CNTNAP2: variants seen among roughly 807,000 people sequenced by gnomAD.
The protein encoded by CNTNAP2 is contactin-associated protein-like 2.
CNTNAP2 carries 98 observed loss-of-function variants against 155.2 expected under a neutral mutation model. The observed-to-expected ratio is 0.63, with a 90% CI of 0.54 to 0.75. The LOEUF (loss-of-function observed/expected upper bound fraction) is 0.75, where lower values mean the gene tolerates loss of function less well. Among genes scored for constraint, CNTNAP2 ranks in the 30% least tolerant of loss-of-function variants. CNTNAP2 has a pLI of 0.00. For missense variants in CNTNAP2, 1,727 were observed against 1,688.1 expected (o/e 1.02, Z -0.40); for synonymous variants, 651 against 631.2 (o/e 1.03, Z -0.47).
At chr7:147,430,182 C>A (rs1019829779) in intron 10 of CNTNAP2, among the ~76,000 whole-genome samples, 1 of 152,176 alleles carries the variant, frequency 6.6e-6, no homozygotes, top group Non-Finnish European at 1.5e-5. Flanking sequence ...TCCCTCTCAA[C>A]TCACCATGAG....
chr7:146,491,645 C>T (rs1797141399), intron 1 of CNTNAP2, among the ~76,000 whole-genome samples: 1 of 152,108 alleles, frequency 6.6e-6, no homozygotes, highest in South Asian at 2.1e-4. Flanking sequence ...GCCAGGCACC[C>T]ATCAGAGCAT....
chr7:147,924,185 G>C (rs1449981847), intron 14 of CNTNAP2, among the ~76,000 whole-genome samples: 1 of 120,234 alleles, frequency 8.3e-6, no homozygotes, highest in African/African-American at 3.4e-5. Flanking sequence ...TGTTGCCCAG[G>C]CTGGAGTGCA....
rs149168384 is a variant in CNTNAP2, at chr7:147,821,957, T to C, written c.2099-81608T>C. Among the ~76,000 whole-genome samples, 361 of 151,552 alleles carry C rather than the reference T, an allele frequency of 2.4e-3. 1 individual carries two copies. Among genetic ancestry groups the C allele is most frequent in the African/African-American group, 8.4e-3 (348 of 41,274 alleles). On this transcript the variant is annotated intron_variant, in intron 13 of 23. Transcript: ENST00000361727. Reference sequence around the variant, plus strand: ...GGAAAAATAACAGATTAAGAAGGGGTTGGCAGTGAGAAAGGAAGAAAATCA... The same window carrying C: ...GGAAAAATAACAGATTAAGAAGGGGCTGGCAGTGAGAAAGGAAGAAAATCA...
At chr7:146,391,633 A>C (rs1361179027) in intron 1 of CNTNAP2, among the ~76,000 whole-genome samples, 1 of 152,208 alleles carries the variant, frequency 6.6e-6, no homozygotes, top group Non-Finnish European at 1.5e-5. Context: ...GGTTCAAATG[A>C]CTATCAATTC....
At chr7:148,403,688 C>T (rs1799637523) in intron 22 of CNTNAP2, among the ~76,000 whole-genome samples, 2 of 152,106 alleles carry the variant, frequency 1.3e-5, no homozygotes, top group East Asian at 1.9e-4. Context: ...TTTCTCTGTG[C>T]GCATTTCCAA....
At chr7:147,043,788 G>A (rs1563055480) in intron 3 of CNTNAP2, 119 bp from the exon 4 acceptor site, 10 of 1,204,462 alleles carry the variant, frequency 8.3e-6, no homozygotes, top group South Asian at 8.0e-5. Flanking sequence ...AATTATTTAC[G>A]GTGTAAGAAA....
intron 14 of CNTNAP2, among the ~76,000 whole-genome samples, chr7:147,936,266 C>G (rs1357699041): frequency 2.0e-5 from 3 of 151,228 alleles, no homozygotes; most frequent in African/African-American, 7.3e-5. Flanking sequence ...ATCTCTTTGC[C>G]AGGGTTGTGT....
intron 8 of CNTNAP2, among the ~76,000 whole-genome samples, chr7:147,197,278 A>G (rs989758045): frequency 1.3e-5 from 2 of 152,106 alleles, no homozygotes; most frequent in African/African-American, 2.4e-5. Context: ...TCTAGGGGGT[A>G]TTTAAACCCC....
intron 1 of CNTNAP2, among the ~76,000 whole-genome samples, chr7:146,445,961 T>A (rs1796396393): frequency 6.6e-6 from 1 of 152,140 alleles, no homozygotes; most frequent in Admixed American, 6.6e-5. Context: ...CTCCTTCAGG[T>A]GATGGGATTA....
At chr7:146,125,242 T>C (rs1797617323) in intron 1 of CNTNAP2, among the ~76,000 whole-genome samples, 1 of 152,172 alleles carries the variant, frequency 6.6e-6, no homozygotes, top group African/African-American at 2.4e-5. Flanking sequence ...AATAGTAGCA[T>C]AGTTAATTGT....
intron 1 of CNTNAP2, among the ~76,000 whole-genome samples, chr7:146,748,821 C>T (rs1801856140): frequency 1.3e-5 from 2 of 152,136 alleles, no homozygotes; most frequent in Non-Finnish European, 2.9e-5. Context: ...GACTAAATGA[C>T]TTCTAAGATA....
intron 4 of CNTNAP2, among the ~76,000 whole-genome samples, chr7:147,101,947 G>A (rs1381387872): frequency 3.3e-5 from 5 of 152,092 alleles, no homozygotes; most frequent in South Asian, 2.1e-4. Context: ...CACGGTTTGC[G>A]GGCTTGAGGG....
At chr7:146,869,844 A>G (rs1346141193) in intron 3 of CNTNAP2, among the ~76,000 whole-genome samples, 4 of 152,106 alleles carry the variant, frequency 2.6e-5, no homozygotes, top group East Asian at 3.9e-4. Context: ...CCCACCCACA[A>G]TGTGGGTACG....
chr7:147,178,227 G>A (rs1017840201), intron 8 of CNTNAP2, among the ~76,000 whole-genome samples: 2 of 152,204 alleles, frequency 1.3e-5, no homozygotes, highest in Admixed American at 6.5e-5. Flanking sequence ...AACGGAGACT[G>A]TTTATTATCT....
chr7:148,149,632 A>T (rs1805259970), intron 17 of CNTNAP2, among the ~76,000 whole-genome samples: 1 of 151,924 alleles, frequency 6.6e-6, no homozygotes, highest in Non-Finnish European at 1.5e-5. Flanking sequence ...ACTCACTGCA[A>T]CCTCCACCTC....
intron 1 of CNTNAP2, among the ~76,000 whole-genome samples, chr7:146,647,209 C>T (rs1013445843): frequency 3.9e-5 from 6 of 152,146 alleles, no homozygotes; most frequent in African/African-American, 1.4e-4. Flanking sequence ...CAAATTGGCT[C>T]CCTCGCTGTT....
At chr7:146,870,544 C>T (rs189221949) in intron 3 of CNTNAP2, among the ~76,000 whole-genome samples, 37 of 152,110 alleles carry the variant, frequency 2.4e-4, no homozygotes, top group African/African-American at 8.9e-4. Context: ...AATGTGAATA[C>T]TTCTATATAT....
At chr7:146,648,443 A>G (rs780818833) in intron 1 of CNTNAP2, among the ~76,000 whole-genome samples, 2 of 152,162 alleles carry the variant, frequency 1.3e-5, no homozygotes, top group Non-Finnish European at 2.9e-5. Context: ...TTTACCTGCA[A>G]AGCAAAAAGT....
At chr7:147,327,158 C>T (rs1439393142) in intron 9 of CNTNAP2, among the ~76,000 whole-genome samples, 1 of 152,126 alleles carries the variant, frequency 6.6e-6, no homozygotes, top group Non-Finnish European at 1.5e-5. Flanking sequence ...GCATACATGC[C>T]CACAACAGAA....
Sources: gnomAD v4.1 joint callset for allele counts (sites outside exome capture counted in the v4.1 genomes callset) on GRCh38, gnomAD v4.1.1 for gene constraint, MANE v1.5 for transcripts, NCBI Gene and HGNC (gene_info 2026-07-23, HGNC 2026-07-21) for gene names.